Variants in KIF5B observed in about 807,000 individuals in gnomAD.
KIF5B encodes kinesin-1 heavy chain.
Under a neutral mutation model 132.8 loss-of-function variants are expected in KIF5B, and 49 were observed. That is an observed-to-expected ratio of 0.37 (90% CI 0.29 to 0.47). The LOEUF (loss-of-function observed/expected upper bound fraction) is 0.47, where lower values mean the gene tolerates loss of function less well. KIF5B is among the 20% of genes least tolerant of loss of function. The pLI, the probability that KIF5B is intolerant of heterozygous loss-of-function variation, is 1.00. For missense variants in KIF5B, 780 were observed against 1,144.0 expected, an observed-to-expected ratio of 0.68 and a Z score of 4.59; for synonymous variants, 355 against 369.4, an observed-to-expected ratio of 0.96 and a Z score of 0.45.
rs1427691582 is a variant in KIF5B, at chr10:32,032,879, A to G, written c.1306-105T>C. 10 of 809,468 alleles carry G rather than the reference A, an allele frequency of 1.2e-5. No individual in the cohort carries two copies. The South Asian group carries it at 1.5e-4, about 12-fold the overall frequency. 50.1% of individuals were successfully genotyped at this position (809,468 alleles called of 1,614,324 possible). On this transcript the variant is annotated intron_variant, in intron 12 of 25. Coordinates refer to ENST00000302418, the MANE Select transcript of KIF5B (RefSeq NM_004521.3). ...TACTCCCCAGAAATATTTCAAAACCATTTCTCTAAATTCAACATTGCTTAT... is the reference window on the plus strand; with the variant it reads ...TACTCCCCAGAAATATTTCAAAACCGTTTCTCTAAATTCAACATTGCTTAT...
intron 2 of KIF5B, among the ~76,000 whole-genome samples, chr10:32,042,747 G>T (rs374062087): frequency 2.6e-5 from 4 of 152,102 alleles, no homozygotes; most frequent in African/African-American, 9.7e-5. Flanking sequence ...CTTTCATACT[G>T]TATCAACAGA....
chr10:32,023,028 C>T lies in KIF5B; in HGVS notation c.1734G>A (p.Glu578=). 1 of 1,567,126 alleles carries T rather than the reference C, an allele frequency of 6.4e-7. No homozygotes were observed. Among genetic ancestry groups the T allele is most frequent in the Non-Finnish European group, 8.7e-7 (1 of 1,152,732 alleles). Residue 578 remains glutamate, a synonymous_variant, in exon 16 of 26, where the codon GAG becomes GAA. Coordinates refer to ENST00000302418, the MANE Select transcript of KIF5B (RefSeq NM_004521.3). ...ACTCTTCATCTATCATGCCAGTTCC[C>T]TCAGGCTGCTGTAAGGAAAAAGTAA... ...AVGNNDVKQP[E]GTGMIDEEFT...
intron 14 of KIF5B, among the ~76,000 whole-genome samples, chr10:32,028,944 C>T (rs1229726620): frequency 6.6e-6 from 1 of 152,138 alleles, no homozygotes; most frequent in South Asian, 2.1e-4. Flanking sequence ...AGCAAATTAA[C>T]GTTACAATGA....
intron 9 of KIF5B, 105 bp from the exon 10 acceptor site, chr10:32,035,772 T>G: frequency 7.5e-7 from 1 of 1,340,388 alleles, no homozygotes; most frequent in Non-Finnish European, 1.0e-6. Context: ...TTCAAACACA[T>G]TGAATCTCAA....
chr10:32,023,080 CA>C, intron 15 of KIF5B, 44 bp from the exon 16 acceptor site: 1 of 1,190,332 alleles, frequency 8.4e-7, no homozygotes, highest in Non-Finnish European at 1.2e-6. Context: ...CAAAAATGTT[CA>C]ATGTGTGTTT....
At position 32,037,247 on chromosome 10, in the gene KIF5B, A is replaced by C; in HGVS notation, c.711+7T>G. On this transcript the variant is annotated splice_region_variant and intron_variant, in intron 8 of 25. Coordinates refer to ENST00000302418, the MANE Select transcript of KIF5B (RefSeq NM_004521.3). ...TAAATATTTGTCAAAATACATGAAG[A>C]CTTTACCTTTTCACTACCAGCTAAA... 2 of 1,609,772 alleles carry C rather than the reference A, an allele frequency of 1.2e-6. No individual in the cohort carries two copies. Among genetic ancestry groups the C allele is most frequent in the Non-Finnish European group, 1.7e-6 (2 of 1,178,756 alleles).
At chr10:32,041,793 T>A (rs765289442) in intron 2 of KIF5B, among the ~76,000 whole-genome samples, 1 of 152,040 alleles carries the variant, frequency 6.6e-6, no homozygotes, top group Non-Finnish European at 1.5e-5. Context: ...TGGCTAATTC[T>A]AAAAAAAATT....
intron 25 of KIF5B, among the ~76,000 whole-genome samples, chr10:32,013,660 T>A (rs1841115737): frequency 6.6e-6 from 1 of 152,118 alleles, no homozygotes; most frequent in South Asian, 2.1e-4. Context: ...AAAAATATAA[T>A]CTTACTGGGT....
Position 32,048,570 on chromosome 10 carries a change from T to C in KIF5B, c.127-19A>G. The stretch of plus-strand genomic sequence containing the variant: ...GCTTGGACTGAAAAACAAAAAAGTG[T>C]TTCAACTATACAAATTAAAGGTAAA... On this transcript the variant is annotated intron_variant, in intron 1 of 25. Transcript: ENST00000302418. 1 of 1,572,066 alleles carries C rather than the reference T, an allele frequency of 6.4e-7. No homozygotes were observed. The highest frequency in any genetic ancestry group is 8.7e-7 in the Non-Finnish European group (1 of 1,144,834).
rs45573335 is a variant in KIF5B, at chr10:32,038,924, C to T, written c.394-98G>A. The stretch of plus-strand genomic sequence containing the variant: ...CTAGGCATTGTTTAGACTAGAGAGA[C>T]AGTTATCAACATACCAGCCATAGCT... On this transcript the variant is annotated intron_variant, in intron 4 of 25. Transcript: ENST00000302418. The T allele has an allele frequency of 1.4e-3, 999 of 716,600 alleles. 3 individuals carry two copies. Among genetic ancestry groups the T allele is most frequent in the Non-Finnish European group, 1.8e-3 (770 of 418,742 alleles). The allele number at this position is 716,600 out of a possible 1,614,324, so 44.4% of individuals were successfully genotyped here. A position where few individuals can be genotyped will look rare whatever the true frequency, so the allele number is the denominator to read the frequency against.
At position 32,053,439 on chromosome 10, in the gene KIF5B, A is replaced by C. The variant is rs1255418557; in HGVS notation, c.126+2409T>G. Reference sequence around the variant, plus strand: ...TACACGTTAAAAAAAAAAAAAAAAAACCAGGCCAGGCGTGGTGGCTCATGC... The same window carrying C: ...TACACGTTAAAAAAAAAAAAAAAAACCCAGGCCAGGCGTGGTGGCTCATGC... On this transcript the variant is annotated intron_variant, in intron 1 of 25. Coordinates refer to ENST00000302418, the MANE Select transcript of KIF5B (RefSeq NM_004521.3). 6.7e-5 allele frequency among the ~76,000 whole-genome samples: 10 copies of C among 149,610 alleles called. 1 individual carries two copies. Among genetic ancestry groups the C allele is most frequent in the African/African-American group, 2.4e-4 (10 of 40,900 alleles).
At chr10:32,036,942 G>GT (rs1564468350) in intron 8 of KIF5B, among the ~76,000 whole-genome samples, 1 of 151,980 alleles carries the variant, frequency 6.6e-6, no homozygotes, top group Non-Finnish European at 1.5e-5. Context: ...GATAAAATAC[G>GT]TATCAAAAAT....
chr10:32,022,902 T>C lies in KIF5B; in HGVS notation c.1860A>G (p.Lys620=), dbSNP rs1190764469. The C allele has an allele frequency of 6.2e-7, 1 of 1,613,492 alleles. No individual in the cohort carries two copies. The change falls in exon 16 of 26, where the codon AAA becomes AAG. Residue 620 remains lysine (K), a synonymous_variant. Transcript: ENST00000302418. ...QLESTQTESN[K]KMEENEKELA... is the part of the protein sequence containing the mutation. ...ACTCCTTTTCATTTTCTTCCATTTTTTTGTTGCTCTCAGTTTGTGTGCTTT... is the reference window on the plus strand; with the variant it reads ...ACTCCTTTTCATTTTCTTCCATTTTCTTGTTGCTCTCAGTTTGTGTGCTTT...
chr10:32,037,098 T>C (rs1841470536), intron 8 of KIF5B, among the ~76,000 whole-genome samples, 156 bp downstream of exon 8: 1 of 152,224 alleles, frequency 6.6e-6, no homozygotes, highest in Non-Finnish European at 1.5e-5. Context: ...ATTCAGCTGA[T>C]ATCATCATAA....
chr10:32,038,097 G>A (rs1365307438), intron 6 of KIF5B, 66 bp downstream of exon 6: 15 of 940,070 alleles, frequency 1.6e-5, no homozygotes, highest in Admixed American at 2.2e-5. Flanking sequence ...GCGACAGAGT[G>A]AGACTCTGTC....
At position 32,022,877 on chromosome 10, in the gene KIF5B, A is replaced by T. The variant is rs2132587617; in HGVS notation, c.1885T>A (p.Leu629Ile). The T allele has an allele frequency of 6.2e-7, 1 of 1,611,102 alleles. No individual in the cohort carries two copies. The highest frequency in any genetic ancestry group is 8.5e-7 in the Non-Finnish European group (1 of 1,177,840). ...GAGATACGAAGCTGACATGCTGCTAACTCCTTTTCATTTTCTTCCATTTTT... is the reference window on the plus strand; with the variant it reads ...GAGATACGAAGCTGACATGCTGCTATCTCCTTTTCATTTTCTTCCATTTTT... ...NKKMEENEKELAACQLRISQH... is the reference protein window; with the variant it reads ...NKKMEENEKEIAACQLRISQH... Residue 629 changes from leucine (L) to isoleucine (I), a missense_variant, in exon 16 of 26, where the codon TTA becomes ATA. This residue lies in a region of KIF5B where 471 missense variants were observed against 569.9 expected (regional missense o/e 0.83). Coordinates refer to ENST00000302418, the MANE Select transcript of KIF5B (RefSeq NM_004521.3).
At chr10:32,050,488 T>G (rs1841679769) in intron 1 of KIF5B, among the ~76,000 whole-genome samples, 2 of 152,148 alleles carry the variant, frequency 1.3e-5, no homozygotes, top group African/African-American at 4.8e-5. Flanking sequence ...GCATCCATCT[T>G]GCAAATACGA....
Position 32,018,525 on chromosome 10 carries a change from A to G in KIF5B, c.2344T>C (p.Leu782=). The change falls in exon 21 of 26, where the codon TTG becomes CTG. Residue 782 remains leucine, a synonymous_variant. Transcript: ENST00000302418. Reference sequence around the variant, plus strand: ...ACCACTGTCTCTTCCAAACCCTTCAAGTCTTGTCTTGCTTGTTCTCGTCTA... The same window carrying G: ...ACCACTGTCTCTTCCAAACCCTTCAGGTCTTGTCTTGCTTGTTCTCGTCTA... ...QDRREQARQD[L]KGLEETVAKE... is the part of the protein sequence containing the mutation. 24 of 1,613,498 alleles carry G rather than the reference A, an allele frequency of 1.5e-5. No individual in the cohort carries two copies. The highest frequency in any genetic ancestry group is 1.9e-5 in the Non-Finnish European group (23 of 1,179,668).
In KIF5B at chr10:32,037,395, C is replaced by A; in HGVS notation, c.587-17G>T. The A allele has an allele frequency of 1.9e-6, 3 of 1,608,480 alleles. No individual in the cohort carries two copies. Among genetic ancestry groups the A allele is most frequent in the Non-Finnish European group, 2.5e-6 (3 of 1,177,634 alleles). ...CATTCATATCTGCAAGGAAATTACA[C>A]AAACAAATATAAACAAACATGATTT... On this transcript the variant is annotated splice_polypyrimidine_tract_variant and intron_variant, in intron 7 of 25. Coordinates refer to ENST00000302418, the MANE Select transcript of KIF5B (RefSeq NM_004521.3).
Sources: gnomAD v4.1 joint callset for allele counts (sites outside exome capture counted in the v4.1 genomes callset) on GRCh38, gnomAD v4.1.1 for gene constraint, gnomAD v4.1.1 regional missense constraint, MANE v1.5 for transcripts, NCBI Gene and HGNC (gene_info 2026-07-23, HGNC 2026-07-21) for gene names.